ZNF536: variants seen among roughly 807,000 people sequenced by gnomAD.
ZNF536 encodes the protein zinc finger protein 536.
ZNF536 carries 13 observed loss-of-function variants against 84.5 expected under a neutral mutation model. That is an observed-to-expected ratio of 0.15 (90% CI 0.10 to 0.24). The LOEUF (loss-of-function observed/expected upper bound fraction) is 0.24. Ranked by LOEUF, ZNF536 falls within the 10% of genes least tolerant of loss-of-function variation. The probability of loss-of-function intolerance (pLI) is 1.00; values close to 1 mark genes in which losing one functional copy is unlikely to be tolerated. For synonymous variants in ZNF536, 811 were observed against 742.5 expected (o/e 1.09, Z -1.50); for missense variants, 1,536 against 1,747.5 (o/e 0.88, Z 2.16).
At chr19:30,528,000 T>A (rs1479049195) in intron 2 of ZNF536, among the ~76,000 whole-genome samples, 1 of 152,214 alleles carries the variant, frequency 6.6e-6, no homozygotes, top group Non-Finnish European at 1.5e-5. Flanking sequence ...GAGCTGTGAT[T>A]TTGAGACGTT....
At chr19:30,700,230 TTCTTTCTTTCTCTCTCTC>T (rs1298424489) in intron 1 of ZNF536, among the ~76,000 whole-genome samples, 6 of 132,768 alleles carry the variant, frequency 4.5e-5, no homozygotes, top group African/African-American at 1.7e-4. Context: ...CTTTCTTTCT[TTCTTTCTTTCTCTCTCTC>T]TCTCTCTTTC....
chr19:30,376,051 G>A (rs1376463190), intron 1 of ZNF536, among the ~76,000 whole-genome samples: 1 of 152,150 alleles, frequency 6.6e-6, no homozygotes, highest in Non-Finnish European at 1.5e-5. Context: ...CCCACTCCAT[G>A]TGAGTGTATG....
chr19:30,589,229 CTGCATGG>C (rs536112802), intron 1 of ZNF536, among the ~76,000 whole-genome samples: 2 of 152,314 alleles, frequency 1.3e-5, no homozygotes, highest in South Asian at 4.1e-4. Context: ...TTGCAACCAT[CTGCATGG>C]TTTCCATGGA....
intron 1 of ZNF536, among the ~76,000 whole-genome samples, chr19:30,230,688 T>G (rs1239663461): frequency 1.3e-5 from 2 of 152,232 alleles, no homozygotes; most frequent in Non-Finnish European, 2.9e-5. Flanking sequence ...CATTGCCCAC[T>G]GAACCCCAAA....
intron 1 of ZNF536, among the ~76,000 whole-genome samples, chr19:30,268,893 T>G (rs1186891717): frequency 6.6e-6 from 1 of 152,104 alleles, no homozygotes; most frequent in African/African-American, 2.4e-5. Context: ...TTTTCTTGCT[T>G]TTAGGTAGTG....
Position 30,679,314 on chromosome 19 carries a change from C to T in ZNF536, c.170-31443C>T, listed in dbSNP as rs980960082. Among the ~76,000 whole-genome samples, 19 of 152,118 alleles carry T rather than the reference C, an allele frequency of 1.2e-4. No homozygotes were observed. In the East Asian group the frequency reaches 1.4e-3, roughly 11 times the overall value. On this transcript the variant is annotated intron_variant, in intron 1 of 1. Transcript: ENST00000592773. ...GGGATCAGAGAGCAATTTTGGAGCC[C>T]GCAGCTAGATGATGGAGGTGAGGCC...
chr19:30,498,898 G>A (rs1214838642), intron 2 of ZNF536, among the ~76,000 whole-genome samples: 2 of 152,166 alleles, frequency 1.3e-5, no homozygotes, highest in Admixed American at 6.5e-5. Context: ...GCGAGGAGCC[G>A]AGGAGCCGTT....
intron 2 of ZNF536, among the ~76,000 whole-genome samples, chr19:30,485,322 A>G (rs1452107483): frequency 2.0e-5 from 3 of 152,170 alleles, no homozygotes; most frequent in Non-Finnish European, 1.5e-5. Context: ...CACATATCAT[A>G]CAGTTAATGC....
At chr19:30,584,012 C>A (rs899854889) in intron 1 of ZNF536, among the ~76,000 whole-genome samples, 1 of 152,138 alleles carries the variant, frequency 6.6e-6, no homozygotes, top group African/African-American at 2.4e-5. Flanking sequence ...GGTTACCAAG[C>A]CTTTTATGCA....
chr19:30,409,702 A>G (rs951754536), intron 1 of ZNF536, among the ~76,000 whole-genome samples: 3 of 152,262 alleles, frequency 2.0e-5, no homozygotes, highest in African/African-American at 7.2e-5. Context: ...CACAACTGCC[A>G]TACAAATTAT....
At chr19:30,373,195 TC>T (rs1235137384) in intron 1 of ZNF536, among the ~76,000 whole-genome samples, 1 of 152,096 alleles carries the variant, frequency 6.6e-6, no homozygotes, top group Admixed American at 6.5e-5. Context: ...GTGCTTTTCT[TC>T]CCCCCGACCT....
chr19:30,315,304 G>A (rs934547512), intron 2 of ZNF536, among the ~76,000 whole-genome samples: 12 of 152,346 alleles, frequency 7.9e-5, no homozygotes, highest in African/African-American at 2.9e-4. Flanking sequence ...ATAGGGCATA[G>A]TGAAAGGAGT....
At chr19:30,513,334 T>C (rs907001046) in intron 2 of ZNF536, among the ~76,000 whole-genome samples, 4 of 152,160 alleles carry the variant, frequency 2.6e-5, no homozygotes, top group African/African-American at 9.7e-5. Flanking sequence ...GCGCCTAGGT[T>C]CTTGGAGTTG....
chr19:30,503,444 A>C (rs2055031329), intron 2 of ZNF536, among the ~76,000 whole-genome samples: 1 of 152,230 alleles, frequency 6.6e-6, no homozygotes, highest in Non-Finnish European at 1.5e-5. Context: ...ACTGACCTGT[A>C]TTTACTGACT....
At position 30,340,853 on chromosome 19, in the gene ZNF536, C is replaced by CAG. The variant is rs142893215; in HGVS notation, c.-119-11500_-119-11499dup. Among the ~76,000 whole-genome samples, 24 of 150,686 alleles carry CAG rather than the reference C, an allele frequency of 1.6e-4. No homozygotes were observed. The East Asian group carries it at 2.7e-3, about 17-fold the overall frequency. On this transcript the variant is annotated intron_variant, in intron 2 of 5. Coordinates refer to the ZNF536 transcript ENST00000585628. ...TATCCTCTAAAAGATGTGAGCCTCT[C>CAG]AGAGAGAGAGAGAGAGGGTTCCTCT...
chr19:30,518,971 G>C (rs1351055775), intron 2 of ZNF536, among the ~76,000 whole-genome samples: 1 of 152,202 alleles, frequency 6.6e-6, no homozygotes, highest in Non-Finnish European at 1.5e-5. Flanking sequence ...TTGCTTCCTT[G>C]TTCTGGTGGT....
chr19:30,290,164 T>C (rs2045786485), intron 2 of ZNF536, among the ~76,000 whole-genome samples: 1 of 152,246 alleles, frequency 6.6e-6, no homozygotes, highest in South Asian at 2.1e-4. Context: ...TTTAGTCGAA[T>C]GTCCTCAAGG....
intron 1 of ZNF536, among the ~76,000 whole-genome samples, chr19:30,667,439 GCTTT>G (rs2050371505): frequency 6.6e-6 from 1 of 152,088 alleles, no homozygotes; most frequent in African/African-American, 2.4e-5. Flanking sequence ...TGCGTTAGCT[GCTTT>G]CTGTGTCCAT....
At chr19:30,627,505 G>T (rs1017395798) in intron 1 of ZNF536, among the ~76,000 whole-genome samples, 1 of 123,846 alleles carries the variant, frequency 8.1e-6, no homozygotes, top group Non-Finnish European at 1.6e-5. Flanking sequence ...AAAAAAAAAG[G>T]CTTTCTATGC....
Sources: allele counts gnomAD v4.1 joint callset (sites outside exome capture counted in the v4.1 genomes callset), GRCh38; gene constraint gnomAD v4.1.1; transcripts MANE v1.5; gene names NCBI Gene and HGNC (gene_info 2026-07-23, HGNC 2026-07-21).